MYO3B: variants seen among roughly 807,000 people sequenced by gnomAD.
The protein encoded by MYO3B is myosin IIIB.
A neutral mutation model predicts 174.6 loss-of-function variants in MYO3B; 156 were observed. That is an observed-to-expected ratio of 0.89 (90% CI 0.78 to 1.02). The LOEUF (loss-of-function observed/expected upper bound fraction) is 1.02, where lower values mean the gene tolerates loss of function less well. Among genes scored for constraint, MYO3B ranks in the 50% least tolerant of loss-of-function variants. The probability of loss-of-function intolerance (pLI) is 0.00; values close to 1 mark genes in which losing one functional copy is unlikely to be tolerated. For synonymous variants in MYO3B, 563 were observed against 569.1 expected (o/e 0.99, Z 0.15); for missense variants, 1,632 against 1,639.4 (o/e 1.00, Z 0.08).
intron 25 of MYO3B, among the ~76,000 whole-genome samples, chr2:170,468,230 C>A (rs973085640): frequency 1.3e-5 from 2 of 152,130 alleles, no homozygotes; most frequent in Admixed American, 1.3e-4. Context: ...CAAATAGGTA[C>A]ACTTCTTATC....
At chr2:170,294,486 ATTTTATT>A (rs1205557647) in intron 7 of MYO3B, among the ~76,000 whole-genome samples, 1 of 151,904 alleles carries the variant, frequency 6.6e-6, no homozygotes, top group Non-Finnish European at 1.5e-5. Context: ...TTGATTTCTA[ATTTTATT>A]TTACTGTGGT....
In MYO3B at chr2:170,551,351, T is replaced by TTATTTATTA. The variant is rs1553520403; in HGVS notation, c.3733+7363_3733+7364insTATTTATTA. The stretch of plus-strand genomic sequence containing the variant: ...TATATTTAATTTAATTTAATTTAAT[T>TTATTTATTA]ATTTATTTATTTATTTATTTATTTA... On this transcript the variant is annotated intron_variant, in intron 32 of 34. Coordinates refer to ENST00000408978, the MANE Select transcript of MYO3B (RefSeq NM_138995.5). Among the ~76,000 whole-genome samples the TTATTTATTA allele has an allele frequency of 2.8e-4, 37 of 133,630 alleles. No individual in the cohort carries two copies. In the East Asian group the frequency reaches 0.021, roughly 77 times the overall value. The allele number at this position is 133,630 out of a possible 152,430, so 87.7% of individuals were successfully genotyped here.
intron 32 of MYO3B, among the ~76,000 whole-genome samples, chr2:170,545,257 C>T (rs996316365): frequency 1.1e-4 from 17 of 152,156 alleles, no homozygotes; most frequent in Admixed American, 1.0e-3. Context: ...AATCTCTGCT[C>T]TCCTGTGTTA....
rs934912201 is a variant in MYO3B at position 170,476,298 on chromosome 2, C to T, written c.3014+9587C>T. Among the ~76,000 whole-genome samples, 10 of 124,686 alleles carry T rather than the reference C, an allele frequency of 8.0e-5. No individual in the cohort carries two copies. In the Admixed American group the frequency reaches 8.3e-4, roughly 10 times the overall value. The allele number at this position is 124,686 out of a possible 152,430, so 81.8% of individuals were successfully genotyped here. On this transcript the variant is annotated intron_variant, in intron 25 of 34. Coordinates refer to ENST00000408978, the MANE Select transcript of MYO3B (RefSeq NM_138995.5). ...AGTGCACTCTTTCAGCTTTGCTGTC[C>T]GCAGATGGCTTAAGTGTTAAACCAG...
intron 30 of MYO3B, among the ~76,000 whole-genome samples, chr2:170,534,107 A>T (rs1400009174): frequency 6.6e-6 from 1 of 152,168 alleles, no homozygotes; most frequent in African/African-American, 2.4e-5. Flanking sequence ...CACTTCACAG[A>T]TGTTGTGTTT....
At chr2:170,336,899 T>C (rs2093950505) in intron 8 of MYO3B, among the ~76,000 whole-genome samples, 1 of 152,006 alleles carries the variant, frequency 6.6e-6, no homozygotes, top group Non-Finnish European at 1.5e-5. Context: ...ACTTTTGCCA[T>C]GTTCCTCAGG....
In MYO3B at chr2:170,490,028, C is replaced by CTTTTTT. The variant is rs751661221; in HGVS notation, c.3015-8561_3015-8560insTTTTTT. Among the ~76,000 whole-genome samples the CTTTTTT allele has an allele frequency of 1.6e-4, 24 of 145,942 alleles. 1 individual carries two copies. The highest frequency in any genetic ancestry group is 6.3e-4 in the African/African-American group (24 of 38,386). ...TATTTTTTCATTTTCAGTTTCTTTT[C>CTTTTTT]TTTCTTTTTTTTTTTTTTGAGATGG... On this transcript the variant is annotated intron_variant, in intron 25 of 34. Coordinates refer to ENST00000408978, the MANE Select transcript of MYO3B (RefSeq NM_138995.5).
chr2:170,310,731 T>TGG (rs1211487348), intron 7 of MYO3B, among the ~76,000 whole-genome samples: 1 of 136,476 alleles, frequency 7.3e-6, no homozygotes, highest in East Asian at 2.3e-4. Flanking sequence ...AACTTGAAGG[T>TGG]GGGGGATGGT....
intron 1 of MYO3B, among the ~76,000 whole-genome samples, chr2:170,193,588 G>C (rs1249688021): frequency 6.6e-6 from 1 of 152,022 alleles, no homozygotes; most frequent in African/African-American, 2.4e-5. Context: ...TTACTCCACA[G>C]ATTGTCTTTT....
At chr2:170,327,705 T>TAA (rs923009495) in intron 7 of MYO3B, among the ~76,000 whole-genome samples, 1 of 152,064 alleles carries the variant, frequency 6.6e-6, no homozygotes, top group African/African-American at 2.4e-5. Context: ...ATATCTTTTC[T>TAA]AACCTGGACG....
intron 8 of MYO3B, among the ~76,000 whole-genome samples, chr2:170,338,732 A>C (rs2093960484): frequency 6.6e-6 from 1 of 152,066 alleles, no homozygotes; most frequent in South Asian, 2.1e-4. Flanking sequence ...CCTCCCAAGT[A>C]GCTGGAATTA....
chr2:170,276,241 T>C (rs1042259749), intron 7 of MYO3B, among the ~76,000 whole-genome samples: 6 of 152,214 alleles, frequency 3.9e-5, no homozygotes, highest in African/African-American at 1.4e-4. Flanking sequence ...ATTCCTAGTA[T>C]AGCCCGTTGA....
chr2:170,448,113 G>T (rs1390747958), intron 23 of MYO3B, among the ~76,000 whole-genome samples: 2 of 152,182 alleles, frequency 1.3e-5, no homozygotes, highest in Non-Finnish European at 2.9e-5. Context: ...TAATCTTGTG[G>T]CTAATTTGTT....
intron 32 of MYO3B, among the ~76,000 whole-genome samples, chr2:170,621,087 C>A (rs1324018726): frequency 6.6e-6 from 1 of 152,064 alleles, no homozygotes; most frequent in Admixed American, 6.5e-5. Context: ...CAGGGTTTCA[C>A]CATCTCGGCC....
intron 32 of MYO3B, among the ~76,000 whole-genome samples, chr2:170,552,266 A>G (rs1172763529): frequency 6.6e-6 from 1 of 152,210 alleles, no homozygotes; most frequent in East Asian, 1.9e-4. Context: ...GGTGAGGGAA[A>G]GTTTGGAACT....
chr2:170,236,479 A>G (rs1314152003), intron 7 of MYO3B, among the ~76,000 whole-genome samples: 1 of 152,206 alleles, frequency 6.6e-6, no homozygotes, highest in Non-Finnish European at 1.5e-5. Flanking sequence ...CTTTTTAATT[A>G]CATACTTTCT....
At chr2:170,413,575 C>T (rs148831065) in intron 22 of MYO3B, among the ~76,000 whole-genome samples, 321 of 152,146 alleles carry the variant, frequency 2.1e-3, no homozygotes, top group African/African-American at 6.8e-3. Flanking sequence ...GGTGCACCCA[C>T]GGTGTTGTGT....
chr2:170,480,166 T>C (rs1685598103), intron 25 of MYO3B, among the ~76,000 whole-genome samples: 1 of 152,138 alleles, frequency 6.6e-6, no homozygotes, highest in African/African-American at 2.4e-5. Context: ...TTGTTTATAA[T>C]GTTTGGTGTG....
chr2:170,178,726 G>A (rs181853965), intron 1 of MYO3B, among the ~76,000 whole-genome samples: 80 of 152,272 alleles, frequency 5.3e-4, no homozygotes, highest in African/African-American at 1.8e-3. Context: ...ATTTGCAGAT[G>A]TTTTTAATGT....
Sources: allele counts gnomAD v4.1 joint callset (sites outside exome capture counted in the v4.1 genomes callset), GRCh38; gene constraint gnomAD v4.1.1; transcripts MANE v1.5; gene names NCBI Gene and HGNC (gene_info 2026-07-23, HGNC 2026-07-21).